The following TNIK variants were observed in gnomAD, a reference collection of about 807,000 sequenced individuals.
The protein encoded by TNIK is TRAF2 and NCK-interacting protein kinase.
TNIK carries 49 observed loss-of-function variants against 191.3 expected under a neutral mutation model. That is an observed-to-expected ratio of 0.26 (90% confidence interval 0.20 to 0.32). TNIK has a LOEUF of 0.32. Among genes scored for constraint, TNIK ranks in the 10% least tolerant of loss-of-function variants. The probability of loss-of-function intolerance (pLI) is 1.00; values close to 1 mark genes in which losing one functional copy is unlikely to be tolerated. For synonymous variants in TNIK, 594 were observed against 600.9 expected (o/e 0.99, Z 0.17); for missense variants, 1,155 against 1,702.3 (o/e 0.68, Z 5.66).
chr3:171,345,431 C>G (rs192901697), intron 2 of TNIK, among the ~76,000 whole-genome samples: 1 of 150,892 alleles, frequency 6.6e-6, no homozygotes. Flanking sequence ...GTGAAAACAC[C>G]GAGTTTTTTT....
intron 4 of TNIK, among the ~76,000 whole-genome samples, chr3:171,207,336 A>G (rs1258354719): frequency 2.6e-5 from 4 of 151,866 alleles, no homozygotes; most frequent in African/African-American, 7.3e-5. Context: ...CTCACCAACA[A>G]TATACAAATT....
intron 2 of TNIK, among the ~76,000 whole-genome samples, chr3:171,290,492 A>C (rs1413033381): frequency 6.6e-6 from 1 of 152,210 alleles, no homozygotes; most frequent in Non-Finnish European, 1.5e-5. Flanking sequence ...CTGGCACACA[A>C]TAGATATGTG....
At chr3:171,301,678 C>G (rs1340496298) in intron 2 of TNIK, among the ~76,000 whole-genome samples, 1 of 152,146 alleles carries the variant, frequency 6.6e-6, no homozygotes, top group African/African-American at 2.4e-5. Context: ...GGGAACTCTT[C>G]TATACTGAAG....
chr3:171,271,780 C>T (rs963901102), intron 2 of TNIK, among the ~76,000 whole-genome samples: 9 of 151,978 alleles, frequency 5.9e-5, no homozygotes, highest in Non-Finnish European at 1.2e-4. Context: ...CTTTCAAACC[C>T]GAATTTAAAA....
At chr3:171,084,730 C>T (rs1295588334) in intron 25 of TNIK, among the ~76,000 whole-genome samples, 1 of 152,126 alleles carries the variant, frequency 6.6e-6, no homozygotes, top group African/African-American at 2.4e-5. Context: ...TCAGCCTGAT[C>T]TTTGTGGTGG....
intron 18 of TNIK, 37 bp downstream of exon 18, chr3:171,123,559 A>G: frequency 6.8e-7 from 1 of 1,466,648 alleles, no homozygotes; most frequent in Non-Finnish European, 9.2e-7. Context: ...GGTGGGTAGG[A>G]GTTTCTTCTT....
At chr3:171,131,592 G>T (rs1016411105) in intron 15 of TNIK, among the ~76,000 whole-genome samples, 11 of 152,108 alleles carry the variant, frequency 7.2e-5, no homozygotes, top group African/African-American at 2.4e-4. Flanking sequence ...TTTCAGGAAG[G>T]CTCCAGTGTA....
At chr3:171,145,831 C>G (rs1452156120) in intron 12 of TNIK, among the ~76,000 whole-genome samples, 3 of 147,038 alleles carry the variant, frequency 2.0e-5, no homozygotes, top group African/African-American at 7.6e-5. Flanking sequence ...TTTAGATAAG[C>G]AGAAAAGTAC....
At position 171,084,298 on chromosome 3, in the gene TNIK, T is replaced by G. The variant is rs769796990; in HGVS notation, c.3026A>C (p.Gln1009Pro). Residue 1009 changes from glutamine (Q) to proline (P), a missense_variant, in exon 26 of 33, where the codon CAA becomes CCA. Coordinates refer to ENST00000436636, the MANE Select transcript of TNIK (RefSeq NM_015028.4). The part of the protein sequence containing the change: ...AALFTSELLR[Q>P]EQAKLNEARK... ...TGCTTCATTGAGTTTGGCCTGTTCT[T>G]GCCTAAGAAGTTCGCTAGTAAACAG... 6.2e-7 allele frequency: 1 copy of G among 1,613,720 alleles called. No homozygotes were observed.
chr3:171,346,996 G>C, intron 2 of TNIK: 1 of 719,438 alleles, frequency 1.4e-6, no homozygotes, highest in Non-Finnish European at 2.2e-6. Context: ...GGGGCTGCAA[G>C]GATAACATCA....
chr3:171,360,439 A>T (rs1225933788), intron 2 of TNIK, among the ~76,000 whole-genome samples: 2 of 152,238 alleles, frequency 1.3e-5, no homozygotes, highest in Non-Finnish European at 2.9e-5. Context: ...GGTTATCCAG[A>T]CTAGTGCTCT....
chr3:171,393,377 G>A (rs76361518), intron 1 of TNIK, among the ~76,000 whole-genome samples: 6,597 of 152,256 alleles, frequency 0.043, 459 homozygotes, highest in African/African-American at 0.15. Flanking sequence ...ATACCCAGCT[G>A]CTGCAGGAGA....
At chr3:171,155,922 C>T (rs1018443125) in intron 12 of TNIK, among the ~76,000 whole-genome samples, 4 of 152,200 alleles carry the variant, frequency 2.6e-5, no homozygotes, top group African/African-American at 7.2e-5. Context: ...TTCTTCTCAA[C>T]CTTTAACAAG....
At chr3:171,129,401 G>T (rs1368570901) in intron 15 of TNIK, among the ~76,000 whole-genome samples, 1 of 152,198 alleles carries the variant, frequency 6.6e-6, no homozygotes, top group Non-Finnish European at 1.5e-5. Context: ...GTTCCAGGCT[G>T]CCTGCTTAAT....
chr3:171,184,974 T>G (rs1737173439), intron 7 of TNIK, among the ~76,000 whole-genome samples: 1 of 152,096 alleles, frequency 6.6e-6, no homozygotes, highest in African/African-American at 2.4e-5. Context: ...AGGACAGGAA[T>G]CTGGTGGGGA....
At chr3:171,321,839 A>G (rs991247704) in intron 2 of TNIK, among the ~76,000 whole-genome samples, 1 of 152,200 alleles carries the variant, frequency 6.6e-6, no homozygotes, top group Non-Finnish European at 1.5e-5. Context: ...ATTGTAATTC[A>G]ATTTTACCTG....
rs574508104 is a variant in TNIK at position 171,396,698 on chromosome 3, A to T, written c.58-27013T>A. On this transcript the variant is annotated intron_variant, in intron 1 of 32. Coordinates refer to ENST00000436636, the MANE Select transcript of TNIK (RefSeq NM_015028.4). ...AGGTGTGCAAATCCTATCTTCTAAG[A>T]ATTGAAATTTTCTAGCAGTTAAAGA... Among the ~76,000 whole-genome samples, 5 of 152,326 alleles carry T rather than the reference A, an allele frequency of 3.3e-5. No homozygotes were observed. The South Asian group carries it at 8.3e-4, about 25-fold the overall frequency.
intron 10 of TNIK, 51 bp downstream of exon 10, chr3:171,167,044 G>A: frequency 6.3e-7 from 1 of 1,578,952 alleles, no homozygotes; most frequent in Non-Finnish European, 8.6e-7. Flanking sequence ...AAGCGCCCAT[G>A]ATTCACTCCA....
intron 2 of TNIK, among the ~76,000 whole-genome samples, chr3:171,360,150 A>G (rs1036522214): frequency 7.9e-5 from 12 of 152,210 alleles, no homozygotes; most frequent in African/African-American, 2.9e-4. Context: ...TCCTCTTTTC[A>G]TCACTATTAG....
Sources: gnomAD v4.1 joint callset for allele counts (sites outside exome capture counted in the v4.1 genomes callset) on GRCh38, gnomAD v4.1.1 for gene constraint, MANE v1.5 for transcripts, NCBI Gene and HGNC (gene_info 2026-07-23, HGNC 2026-07-21) for gene names.